The following SP110 variants were observed in gnomAD, a reference collection of about 807,000 sequenced individuals.
The protein encoded by SP110 is SP110 nuclear body protein.
SP110 carries 62 observed loss-of-function variants against 92.7 expected under a neutral mutation model. The ratio of observed to expected loss-of-function variants is 0.67; its 90% CI spans 0.55 to 0.83. The LOEUF (loss-of-function observed/expected upper bound fraction) is 0.83. Ranked by LOEUF, SP110 falls within the 40% of genes least tolerant of loss-of-function variation. The probability of loss-of-function intolerance (pLI) is 0.00; values close to 1 mark genes in which losing one functional copy is unlikely to be tolerated. For missense variants in SP110, 793 were observed against 863.9 expected (o/e 0.92, Z 1.03); for synonymous variants, 273 against 305.3 (o/e 0.89, Z 1.10).
rs775810248 is a variant in SP110 at position 230,200,947 on chromosome 2, G to A, written c.1067C>T (p.Ser356Leu). 1.9e-6 allele frequency: 3 copies of A among 1,613,330 alleles called. No homozygotes were observed. Among genetic ancestry groups the A allele is most frequent in the Admixed American group, 1.7e-5 (1 of 59,992 alleles). ...SRSEEIIDGT[S>L]EMNEGKRSQK... is the part of the protein sequence containing the mutation. ...GGACCTCTTTCCTTCATTCATTTCT[G>A]AAGTGCCATCAATGATCTCTGGAAA... Residue 356 changes from serine to leucine, a missense_variant, in exon 10 of 19, where the codon TCA becomes TTA. Transcript: ENST00000258381.
At chr2:230,216,732 G>A (rs200249548) in intron 2 of SP110, 49 bp downstream of exon 2, 3 of 1,605,940 alleles carry the variant, frequency 1.9e-6, no homozygotes, top group Non-Finnish European at 2.6e-6. Context: ...TAATAATCAG[G>A]CATATTGGTG....
intron 8 of SP110, among the ~76,000 whole-genome samples, chr2:230,207,029 A>G (rs2043941141): frequency 6.6e-6 from 1 of 152,164 alleles, no homozygotes; most frequent in Non-Finnish European, 1.5e-5. Flanking sequence ...TTAGGTTGTA[A>G]AAGCCAGCAA....
intron 10 of SP110, among the ~76,000 whole-genome samples, chr2:230,194,004 T>C (rs1285127405): frequency 6.6e-6 from 1 of 151,878 alleles, no homozygotes; most frequent in African/African-American, 2.4e-5. Flanking sequence ...TGACAGAGAG[T>C]ATGTTTCCTC....
At chr2:230,206,593 TTTTATATA>T (rs2043838133) in intron 8 of SP110, among the ~76,000 whole-genome samples, 1 of 63,652 alleles carries the variant, frequency 1.6e-5, no homozygotes, top group Non-Finnish European at 2.9e-5. Context: ...CTGGTCCAGA[TTTTATATA>T]TATATATATA....
intron 14 of SP110, among the ~76,000 whole-genome samples, chr2:230,175,566 A>C (rs1355366885): frequency 6.6e-6 from 1 of 152,214 alleles, no homozygotes; most frequent in African/African-American, 2.4e-5. Context: ...CAGTGCCTTA[A>C]ACTTTGAATG....
At chr2:230,224,819 C>T (rs771275887), upstream of SP110, among the ~76,000 whole-genome samples, 13 of 152,228 alleles carry the variant, frequency 8.5e-5, no homozygotes, top group Non-Finnish European at 1.8e-4. Flanking sequence ...TCTACCCATA[C>T]CCTGGCTCTC....
chr2:230,224,817 T>C (rs1390044473), upstream of SP110, among the ~76,000 whole-genome samples: 1 of 152,226 alleles, frequency 6.6e-6, no homozygotes, highest in Non-Finnish European at 1.5e-5. Flanking sequence ...ATTCTACCCA[T>C]ACCCTGGCTC....
chr2:230,203,695 T>C (rs1184952615), intron 8 of SP110: 1 of 152,234 alleles, frequency 6.6e-6, no homozygotes, highest in Non-Finnish European at 1.5e-5. Context: ...GAGAGTGTGG[T>C]ATGTATATTT....
At chr2:230,189,149 G>C (rs1038559956) in intron 10 of SP110, among the ~76,000 whole-genome samples, 2 of 151,930 alleles carry the variant, frequency 1.3e-5, no homozygotes, top group African/African-American at 4.8e-5. Context: ...TCTTTTCAAA[G>C]AACCAGCTTT....
intron 5 of SP110, 105 bp downstream of exon 5, chr2:230,212,242 A>C (rs1380247403): frequency 2.4e-6 from 2 of 825,224 alleles, no homozygotes; most frequent in Non-Finnish European, 4.2e-6. Context: ...TGTATTGCTC[A>C]GTTCTTTTTC....
intron 12 of SP110, among the ~76,000 whole-genome samples, chr2:230,181,650 C>G (rs2042132230): frequency 6.6e-6 from 1 of 152,102 alleles, no homozygotes; most frequent in African/African-American, 2.4e-5. Flanking sequence ...AGGACATGAA[C>G]AGACACTTCT....
rs201953042 is a variant in SP110 at position 230,200,869 on chromosome 2, A to G, written c.1129+16T>C. ...CTGGTGACTGTACTCTGAGACCAGC[A>G]ATCTCCAAGTTTTACCTTGTGTGAC... On this transcript the variant is annotated intron_variant, in intron 10 of 18. Coordinates refer to ENST00000258381, the MANE Select transcript of SP110 (RefSeq NM_080424.4). 4.6e-5 allele frequency: 72 copies of G among 1,579,258 alleles called. No homozygotes were observed. The highest frequency in any genetic ancestry group is 5.8e-5 in the Non-Finnish European group (67 of 1,148,462).
intron 10 of SP110, among the ~76,000 whole-genome samples, chr2:230,194,107 A>C (rs550657701): frequency 2.0e-5 from 3 of 152,186 alleles, no homozygotes; most frequent in East Asian, 3.9e-4. Flanking sequence ...TCTAGGCCAA[A>C]CCCCAAGATT....
chr2:230,186,658 G>A (rs75031524), intron 10 of SP110, among the ~76,000 whole-genome samples: 3 of 151,808 alleles, frequency 2.0e-5, no homozygotes, highest in Admixed American at 6.6e-5. Flanking sequence ...CCCCTCCTCC[G>A]TCCCTCTCCT....
At chr2:230,200,614 T>C (rs780763421) in intron 10 of SP110, 20 of 500,848 alleles carry the variant, frequency 4.0e-5, no homozygotes, top group Admixed American at 2.0e-4. Context: ...TTGCTGCCAG[T>C]AGTGGAAAAA....
intron 10 of SP110, among the ~76,000 whole-genome samples, chr2:230,186,734 C>T (rs2042379068): frequency 6.6e-6 from 1 of 152,154 alleles, no homozygotes; most frequent in African/African-American, 2.4e-5. Flanking sequence ...TTAGCTCCCA[C>T]CTATAAGTGA....
At chr2:230,217,565 A>G (rs2045357616) in intron 1 of SP110, among the ~76,000 whole-genome samples, 1 of 152,206 alleles carries the variant, frequency 6.6e-6, no homozygotes. Context: ...TTTCATATGC[A>G]GTAACTTATC....
intron 8 of SP110, among the ~76,000 whole-genome samples, chr2:230,204,773 G>A (rs763315175): frequency 6.6e-6 from 1 of 152,098 alleles, no homozygotes; most frequent in African/African-American, 2.4e-5. Context: ...CTAATTTAGG[G>A]GTCAGAGTAT....
chr2:230,207,987 T>G lies in SP110; in HGVS notation c.898+4A>C, dbSNP rs763420129. On this transcript the variant is annotated splice_donor_region_variant and intron_variant, in intron 8 of 18. Coordinates refer to ENST00000258381, the MANE Select transcript of SP110 (RefSeq NM_080424.4). Reference sequence around the variant, plus strand: ...TCCAGCTTCCTCTTGTACTCTCATCTTACCTCCTGGGAGGCTTTTTTTCTT... The same window carrying G: ...TCCAGCTTCCTCTTGTACTCTCATCGTACCTCCTGGGAGGCTTTTTTTCTT... 4.7e-6 allele frequency: 7 copies of G among 1,480,326 alleles called. No individual in the cohort carries two copies. Among genetic ancestry groups the G allele is most frequent in the Non-Finnish European group, 6.6e-6 (7 of 1,062,624 alleles). 91.7% of individuals were successfully genotyped at this position (1,480,326 alleles called of 1,614,324 possible). A position where few individuals can be genotyped will look rare whatever the true frequency, so the allele number is the denominator to read the frequency against.
Sources: allele counts gnomAD v4.1 joint callset (sites outside exome capture counted in the v4.1 genomes callset), GRCh38; gene constraint gnomAD v4.1.1; transcripts MANE v1.5; gene names NCBI Gene and HGNC (gene_info 2026-07-23, HGNC 2026-07-21).